SPECC1: variants seen among roughly 807,000 people sequenced by gnomAD.
The protein encoded by SPECC1 is sperm antigen with calponin homology and coiled-coil domains 1.
Under a neutral mutation model 104.1 loss-of-function variants are expected in SPECC1, and 62 were observed. The observed-to-expected ratio is 0.60, with a 90% confidence interval of 0.49 to 0.74. SPECC1 has a LOEUF of 0.74. Among genes scored for constraint, SPECC1 ranks in the 30% least tolerant of loss-of-function variants. The pLI, the probability that SPECC1 is intolerant of heterozygous loss-of-function variation, is 0.00. For missense variants in SPECC1, 1,306 were observed against 1,310.5 expected (o/e 1.00, Z 0.05); for synonymous variants, 513 against 501.6 (o/e 1.02, Z -0.30).
At chr17:20,149,463 G>C (rs2031780449) in intron 3 of SPECC1, among the ~76,000 whole-genome samples, 1 of 152,108 alleles carries the variant, frequency 6.6e-6, no homozygotes, top group African/African-American at 2.4e-5. Flanking sequence ...TGATCGCCTG[G>C]TAAAAACCCT....
intron 1 of SPECC1, among the ~76,000 whole-genome samples, chr17:20,025,928 A>T (rs925840348): frequency 1.3e-5 from 2 of 151,978 alleles, no homozygotes; most frequent in Admixed American, 6.6e-5. Flanking sequence ...TCTACATTCT[A>T]CATTGTGGTT....
chr17:20,075,843 A>G (rs376532498), intron 1 of SPECC1, among the ~76,000 whole-genome samples: 13 of 152,212 alleles, frequency 8.5e-5, no homozygotes, highest in African/African-American at 2.9e-4. Flanking sequence ...GCTACTCAGG[A>G]GGCTGATGTA....
chr17:20,298,909 A>C (rs1375814576), intron 13 of SPECC1, among the ~76,000 whole-genome samples: 1 of 129,476 alleles, frequency 7.7e-6, no homozygotes, highest in Non-Finnish European at 1.6e-5. Context: ...TTCTCCAAAA[A>C]AGCAGAACCA....
At chr17:20,100,482 A>G (rs1392855863) in intron 2 of SPECC1, among the ~76,000 whole-genome samples, 1 of 152,190 alleles carries the variant, frequency 6.6e-6, no homozygotes, top group Non-Finnish European at 1.5e-5. Flanking sequence ...CCCACAGCAG[A>G]CACCATAGAC....
intron 3 of SPECC1, among the ~76,000 whole-genome samples, chr17:20,172,804 C>T (rs1489633667): frequency 6.6e-6 from 1 of 152,108 alleles, no homozygotes; most frequent in African/African-American, 2.4e-5. Context: ...GAAAATGAGA[C>T]GGTGTGTGCG....
chr17:20,021,249 A>C (rs1428749145), intron 1 of SPECC1, among the ~76,000 whole-genome samples: 1 of 151,992 alleles, frequency 6.6e-6, no homozygotes, highest in African/African-American at 2.4e-5. Context: ...GGACACAGGC[A>C]GTTCAAACCT....
intron 6 of SPECC1, 24 bp from the exon 7 acceptor site, chr17:20,232,176 A>G: frequency 6.2e-7 from 1 of 1,613,142 alleles, no homozygotes; most frequent in Non-Finnish European, 8.5e-7. Context: ...CGTCTGACAT[A>G]AGGATGGGCT....
chr17:20,232,493 G>A, intron 7 of SPECC1, 88 bp downstream of exon 7: 1 of 1,399,720 alleles, frequency 7.1e-7, no homozygotes, highest in Non-Finnish European at 9.6e-7. Context: ...TCATGTCTGT[G>A]CCAGGTTCTG....
At chr17:20,284,893 T>C (rs2040889251) in intron 12 of SPECC1, among the ~76,000 whole-genome samples, 1 of 152,212 alleles carries the variant, frequency 6.6e-6, no homozygotes, top group Non-Finnish European at 1.5e-5. Context: ...CTCCTGCCTT[T>C]TTCCCAAGAA....
intron 3 of SPECC1, among the ~76,000 whole-genome samples, chr17:20,187,499 C>T (rs1433337374): frequency 6.6e-6 from 1 of 152,122 alleles, no homozygotes; most frequent in African/African-American, 2.4e-5. Flanking sequence ...AGTACCATCA[C>T]ATAGCCATGA....
chr17:20,131,448 G>A (rs913975533), intron 3 of SPECC1, among the ~76,000 whole-genome samples: 3 of 151,968 alleles, frequency 2.0e-5, no homozygotes, highest in African/African-American at 7.3e-5. Flanking sequence ...CAGAGTGCCA[G>A]GATTACAGGT....
chr17:20,130,761 ATCT>A (rs2049575649), intron 3 of SPECC1, among the ~76,000 whole-genome samples: 1 of 152,196 alleles, frequency 6.6e-6, no homozygotes, highest in African/African-American at 2.4e-5. Flanking sequence ...CTACAAAGAA[ATCT>A]TCTGAGATTT....
chr17:20,127,212 T>G (rs752953096), intron 3 of SPECC1, among the ~76,000 whole-genome samples: 8 of 152,246 alleles, frequency 5.3e-5, no homozygotes, highest in Non-Finnish European at 1.2e-4. Flanking sequence ...GAATGCAAAT[T>G]GCAGATTTTT....
At position 20,315,581 on chromosome 17, in the gene SPECC1, G is replaced by A. The variant is rs996994576; in HGVS notation, c.*1516G>A. The A allele has an allele frequency of 2.6e-5, 6 of 232,714 alleles. No individual in the cohort carries two copies. Among genetic ancestry groups the A allele is most frequent in the African/African-American group, 1.3e-4 (6 of 45,292 alleles). The allele number at this position is 232,714 out of a possible 1,614,324, so 14.4% of individuals were successfully genotyped here. The stretch of plus-strand genomic sequence containing the variant: ...AGGATCATCCTTCCAGTGAGTCACC[G>A]AGAATGACAGTGACTGCCATTACTA... On this transcript the variant is annotated 3_prime_UTR_variant, in exon 15 of 15. Coordinates refer to ENST00000395527, the MANE Select transcript of SPECC1 (RefSeq NM_001243439.2).
intron 14 of SPECC1, among the ~76,000 whole-genome samples, chr17:20,310,306 T>C (rs2041895983): frequency 2.0e-5 from 3 of 152,212 alleles, no homozygotes; most frequent in Admixed American, 6.5e-5. Flanking sequence ...CTTTGAGAAA[T>C]CTCCAAAGTG....
chr17:20,130,688 CTTTAT>C (rs1457544209), intron 3 of SPECC1, among the ~76,000 whole-genome samples: 1 of 152,140 alleles, frequency 6.6e-6, no homozygotes, highest in African/African-American at 2.4e-5. Flanking sequence ...ATTCTTCCTA[CTTTAT>C]TATTTTCCAA....
intron 13 of SPECC1, among the ~76,000 whole-genome samples, chr17:20,304,519 G>T (rs1211835376): frequency 1.3e-5 from 2 of 152,158 alleles, no homozygotes; most frequent in Non-Finnish European, 2.9e-5. Context: ...AGGGCTGAAT[G>T]ATTGTGGAGC....
At chr17:20,027,541 G>C (rs2044644110) in intron 1 of SPECC1, among the ~76,000 whole-genome samples, 1 of 152,124 alleles carries the variant, frequency 6.6e-6, no homozygotes, top group African/African-American at 2.4e-5. Context: ...TTTTCTACCA[G>C]TAGTTTTATA....
intron 3 of SPECC1, chr17:20,112,926 A>C (rs1167847317): frequency 6.7e-7 from 1 of 1,501,450 alleles, no homozygotes; most frequent in Non-Finnish European, 9.3e-7. Context: ...AGAGGGTCCA[A>C]CATGAAGGGA....
Sources: allele counts gnomAD v4.1 joint callset (sites outside exome capture counted in the v4.1 genomes callset), GRCh38; gene constraint gnomAD v4.1.1; transcripts MANE v1.5; gene names NCBI Gene and HGNC (gene_info 2026-07-23, HGNC 2026-07-21).